The following KLHL3 variants were observed in gnomAD, a reference collection of about 807,000 sequenced individuals.
KLHL3 encodes the protein kelch-like protein 3.
In KLHL3, 19 loss-of-function variants were observed where a neutral mutation model predicts 70.5. The observed-to-expected ratio is 0.27, with a 90% CI of 0.19 to 0.40. The LOEUF (loss-of-function observed/expected upper bound fraction) is 0.40. Among genes scored for constraint, KLHL3 ranks in the 10% least tolerant of loss-of-function variants. The pLI is 1.00. For missense variants in KLHL3, 512 were observed against 771.1 expected, an observed-to-expected ratio of 0.66 and a Z score of 3.98; for synonymous variants, 258 against 290.3, an observed-to-expected ratio of 0.89 and a Z score of 1.13.
chr5:137,677,409 T>G, intron 6 of KLHL3, 136 bp downstream of exon 6: 1 of 577,908 alleles, frequency 1.7e-6, no homozygotes, highest in Non-Finnish European at 3.1e-6. Flanking sequence ...GATCACACCA[T>G]CGCACTCCAG....
intron 1 of KLHL3, among the ~76,000 whole-genome samples, chr5:137,727,925 T>C (rs2149938567): frequency 6.6e-6 from 1 of 152,292 alleles, no homozygotes; most frequent in African/African-American, 2.4e-5. Context: ...ACTCCCACCA[T>C]GGCAGATTTT....
rs142863988 is a variant in KLHL3, at chr5:137,644,664, C to T, written c.904-4687G>A. On this transcript the variant is annotated intron_variant, in intron 8 of 14. Transcript: ENST00000309755. ...CCAATAACAAGCAACAAGATTGAAT[C>T]ACTAATAAAAAGTCTGCTATCAAAG... 4.7e-3 allele frequency among the ~76,000 whole-genome samples: 719 copies of T among 152,282 alleles called. 5 individuals carry two copies. Among genetic ancestry groups the T allele is most frequent in the African/African-American group, 0.016 (683 of 41,566 alleles).
chr5:137,716,590 G>A (rs1186097451), intron 2 of KLHL3, among the ~76,000 whole-genome samples: 3 of 152,120 alleles, frequency 2.0e-5, no homozygotes, highest in Admixed American at 6.5e-5. Context: ...GAATATTTAT[G>A]AAAGGAGAAA....
intron 8 of KLHL3, among the ~76,000 whole-genome samples, chr5:137,655,535 G>T (rs1751314488): frequency 6.6e-6 from 1 of 152,052 alleles, no homozygotes; most frequent in African/African-American, 2.4e-5. Flanking sequence ...AAGCTATAAA[G>T]CAAAAGATAG....
At chr5:137,627,541 G>T (rs1385673032) in intron 13 of KLHL3, among the ~76,000 whole-genome samples, 2 of 143,538 alleles carry the variant, frequency 1.4e-5, no homozygotes, top group Non-Finnish European at 3.0e-5. Flanking sequence ...GGTAATATGA[G>T]AATAATGAAA....
chr5:137,686,973 G>T (rs1460087576), intron 5 of KLHL3, among the ~76,000 whole-genome samples: 1 of 15,526 alleles, frequency 6.4e-5, no homozygotes, highest in Non-Finnish European at 1.3e-4. Context: ...GAGGGAGGTG[G>T]GGGGGTCAGC....
chr5:137,667,101 C>A (rs1414985659), intron 6 of KLHL3, among the ~76,000 whole-genome samples: 2 of 152,184 alleles, frequency 1.3e-5, no homozygotes, highest in Admixed American at 1.3e-4. Flanking sequence ...ATCCAGCCTG[C>A]CACCTGTTTT....
At chr5:137,671,647 CTTG>C (rs1441679257) in intron 6 of KLHL3, 16 of 152,200 alleles carry the variant, frequency 1.1e-4, no homozygotes, top group Admixed American at 8.5e-4. Context: ...TGCCTTGCAA[CTTG>C]TTGTGAGGAT....
At chr5:137,678,041 G>A (rs1751929761) in intron 5 of KLHL3, among the ~76,000 whole-genome samples, 1 of 152,214 alleles carries the variant, frequency 6.6e-6, no homozygotes. Flanking sequence ...AGTGCACCCT[G>A]AAGCTCAGCC....
chr5:137,658,253 T>C lies in KLHL3; in HGVS notation c.781A>G (p.Asn261Asp), dbSNP rs1449141234. Residue 261 changes from asparagine to aspartate, a missense_variant, in exon 8 of 15, where the codon AAT becomes GAT. Coordinates refer to ENST00000309755, the MANE Select transcript of KLHL3 (RefSeq NM_017415.3). ...QTVEEEALIK[N>D]NNTCKDFLIE... ...AGGAAGTCTTTACAGGTGTTGTTATTCTTTATCAAAGCTTCTTCTTCAACC... is the reference window on the plus strand; with the variant it reads ...AGGAAGTCTTTACAGGTGTTGTTATCCTTTATCAAAGCTTCTTCTTCAACC... The C allele has an allele frequency of 1.9e-6, 3 of 1,613,896 alleles. No homozygotes were observed. Among genetic ancestry groups the C allele is most frequent in the Non-Finnish European group, 2.5e-6 (3 of 1,179,902 alleles).
At chr5:137,693,646 T>C (rs1752375974) in intron 4 of KLHL3, among the ~76,000 whole-genome samples, 1 of 152,154 alleles carries the variant, frequency 6.6e-6, no homozygotes, top group African/African-American at 2.4e-5. Context: ...ACAGAATAGC[T>C]TGATTTAAGG....
chr5:137,706,208 C>G, intron 3 of KLHL3: 1 of 985,394 alleles, frequency 1.0e-6, no homozygotes, highest in East Asian at 1.1e-4. Flanking sequence ...TCACACAACT[C>G]AAGTCAGAAG....
Position 137,634,082 on chromosome 5 carries a change from C to T in KLHL3, c.1405G>A (p.Glu469Lys). 1 of 1,614,232 alleles carries T rather than the reference C, an allele frequency of 6.2e-7. No homozygotes were observed. The highest frequency in any genetic ancestry group is 2.2e-5 in the East Asian group (1 of 44,886). ...TVEQYNPATN[E>K]WIYVADMSTR... ...CTCATGTCCGCCACGTATATCCATT[C>T]ATTGGTCGCTGGGTTGTACTGCTCC... The change falls in exon 12 of 15, where the codon GAA (glutamate) becomes AAA (lysine). Residue 469 changes from glutamate (E) to lysine (K), a missense_variant. Physicochemically the swap from Glu to Lys is moderately conservative, Grantham distance 56 (BLOSUM62 1). Coordinates refer to ENST00000309755, the MANE Select transcript of KLHL3 (RefSeq NM_017415.3).
At chr5:137,714,775 T>C (rs1397912520) in intron 2 of KLHL3, among the ~76,000 whole-genome samples, 1 of 152,160 alleles carries the variant, frequency 6.6e-6, no homozygotes, top group Non-Finnish European at 1.5e-5. Context: ...ACGGGTAAAT[T>C]GTATGGCATC....
Position 137,628,712 on chromosome 5 carries a change from TACAC to T in KLHL3, c.1451-279_1451-276del, listed in dbSNP as rs66565266. The T allele has an allele frequency of 0.066, 13,136 of 198,140 alleles. 690 individuals carry two copies. Among genetic ancestry groups the T allele is most frequent in the East Asian group, 0.16 (1,318 of 8,420 alleles). 12.3% of individuals were successfully genotyped at this position (198,140 alleles called of 1,614,324 possible). A position where few individuals can be genotyped will look rare whatever the true frequency, so the allele number is the denominator to read the frequency against. On this transcript the variant is annotated intron_variant, in intron 12 of 14. Coordinates refer to ENST00000309755, the MANE Select transcript of KLHL3 (RefSeq NM_017415.3). ...ACATTAAAAAATATATATATATATA[TACAC>T]ACACACAGACAGACAGACATACATA...
intron 4 of KLHL3, among the ~76,000 whole-genome samples, chr5:137,693,303 T>A (rs1752367605): frequency 6.6e-6 from 1 of 152,136 alleles, no homozygotes; most frequent in South Asian, 2.1e-4. Flanking sequence ...GAGAGCTAAG[T>A]TTCCATTTAA....
At chr5:137,654,117 C>T (rs1367765835) in intron 8 of KLHL3, among the ~76,000 whole-genome samples, 1 of 152,136 alleles carries the variant, frequency 6.6e-6, no homozygotes, top group Admixed American at 6.5e-5. Flanking sequence ...GACTACAAAG[C>T]AGCACATGGA....
intron 12 of KLHL3, among the ~76,000 whole-genome samples, chr5:137,632,384 A>C (rs1750659561): frequency 6.6e-6 from 1 of 152,196 alleles, no homozygotes; most frequent in Non-Finnish European, 1.5e-5. Context: ...TCTTCAAAAA[A>C]GTCGACAAAA....
intron 8 of KLHL3, among the ~76,000 whole-genome samples, chr5:137,655,335 T>C (rs1025772896): frequency 4.6e-5 from 7 of 152,298 alleles, no homozygotes; most frequent in South Asian, 4.1e-4. Flanking sequence ...CTTGAGACAA[T>C]TGGCTCATCA....
Sources: gnomAD v4.1 joint callset for allele counts (sites outside exome capture counted in the v4.1 genomes callset) on GRCh38, gnomAD v4.1.1 for gene constraint, MANE v1.5 for transcripts, NCBI Gene and HGNC (gene_info 2026-07-23, HGNC 2026-07-21) for gene names.